DPYD: variants seen among roughly 807,000 people sequenced by gnomAD.
DPYD encodes the protein dihydropyrimidine dehydrogenase [NADP(+)].
Under a neutral mutation model 116.2 loss-of-function variants are expected in DPYD, and 109 were observed. The ratio of observed to expected loss-of-function variants is 0.94; its 90% CI spans 0.80 to 1.10. The LOEUF is 1.10. DPYD is among the 50% of genes least tolerant of loss of function. DPYD has a pLI of 0.00. For synonymous variants in DPYD, 440 were observed against 432.0 expected (o/e 1.02, Z -0.23); for missense variants, 1,302 against 1,254.5 (o/e 1.04, Z -0.57).
intron 16 of DPYD, among the ~76,000 whole-genome samples, chr1:97,364,005 T>C (rs1670893581): frequency 6.6e-6 from 1 of 152,212 alleles, no homozygotes; most frequent in Admixed American, 6.5e-5. Flanking sequence ...AAAGACATTA[T>C]TTCATTCTTT....
At chr1:97,144,365 A>G (rs919107437) in intron 20 of DPYD, among the ~76,000 whole-genome samples, 1 of 152,224 alleles carries the variant, frequency 6.6e-6, no homozygotes, top group African/African-American at 2.4e-5. Context: ...AGGTAAAATT[A>G]CAGTCCCCAA....
chr1:97,720,968 C>T, intron 5 of DPYD: 1 of 1,596,476 alleles, frequency 6.3e-7, no homozygotes, highest in Non-Finnish European at 8.5e-7. Context: ...ATTTTATTTC[C>T]TTATACATTT....
At chr1:97,815,213 T>C (rs748382913) in intron 3 of DPYD, among the ~76,000 whole-genome samples, 49 of 152,146 alleles carry the variant, frequency 3.2e-4, no homozygotes, top group Non-Finnish European at 4.9e-4. Context: ...AAGTGTCTCA[T>C]TGAAGTGTAA....
At chr1:97,137,076 A>G (rs139289309) in intron 20 of DPYD, among the ~76,000 whole-genome samples, 40 of 152,338 alleles carry the variant, frequency 2.6e-4, no homozygotes, top group African/African-American at 8.4e-4. Flanking sequence ...TAAATAGTTC[A>G]ATCTGAACCA....
intron 14 of DPYD, among the ~76,000 whole-genome samples, chr1:97,417,565 A>G (rs917431565): frequency 6.6e-6 from 1 of 152,224 alleles, no homozygotes; most frequent in Admixed American, 6.5e-5. Context: ...TTTCTTTTCA[A>G]CAAAGCTACA....
intron 14 of DPYD, among the ~76,000 whole-genome samples, chr1:97,425,970 T>C (rs560866439): frequency 2.0e-5 from 3 of 152,048 alleles, no homozygotes; most frequent in African/African-American, 7.2e-5. Context: ...AAAACAACAT[T>C]TGTCAGTTCT....
intron 20 of DPYD, among the ~76,000 whole-genome samples, chr1:97,172,182 G>A (rs1306563871): frequency 6.6e-6 from 1 of 152,116 alleles, no homozygotes. Context: ...TTTCTTCGTA[G>A]GCTCTCTGGT....
rs568340210 is a variant in DPYD, at chr1:97,690,096, T to C, written c.762+1621A>G. On this transcript the variant is annotated intron_variant, in intron 7 of 22. Coordinates refer to ENST00000370192, the MANE Select transcript of DPYD (RefSeq NM_000110.4). ...GGCAATCTGTTCTATCAGATTCTTA[T>C]ATCTTTCTGAGATATTCTTTGCATA... Among the ~76,000 whole-genome samples the C allele has an allele frequency of 1.4e-4, 22 of 152,216 alleles. No homozygotes were observed. The South Asian group carries it at 4.6e-3, about 32-fold the overall frequency.
At chr1:97,700,493 C>A (rs1661536893) in intron 5 of DPYD, among the ~76,000 whole-genome samples, 1 of 151,936 alleles carries the variant, frequency 6.6e-6, no homozygotes, top group African/African-American at 2.4e-5. Flanking sequence ...ACAAGTAGGG[C>A]AAATGAGGGG....
chr1:97,548,067 T>C (rs976753346), intron 12 of DPYD, among the ~76,000 whole-genome samples: 5 of 151,960 alleles, frequency 3.3e-5, no homozygotes, highest in Admixed American at 3.3e-4. Context: ...AAAGGAAGCA[T>C]TAAAGATAAA....
At chr1:97,796,354 C>G (rs1170136149) in intron 3 of DPYD, among the ~76,000 whole-genome samples, 1 of 152,028 alleles carries the variant, frequency 6.6e-6, no homozygotes, top group Non-Finnish European at 1.5e-5. Context: ...ACTGATCCTT[C>G]TATTCAACAC....
intron 14 of DPYD, among the ~76,000 whole-genome samples, chr1:97,402,001 A>G (rs2101638539): frequency 6.6e-6 from 1 of 152,236 alleles, no homozygotes; most frequent in Non-Finnish European, 1.5e-5. Context: ...TCTTTAACCA[A>G]TATTACACTG....
At chr1:97,482,954 T>C (rs1024520657) in intron 13 of DPYD, among the ~76,000 whole-genome samples, 2 of 152,214 alleles carry the variant, frequency 1.3e-5, no homozygotes, top group Non-Finnish European at 2.9e-5. Flanking sequence ...CAGAACCAAA[T>C]AGCAGTCTGT....
At chr1:97,520,922 G>A (rs1352728038) in intron 12 of DPYD, among the ~76,000 whole-genome samples, 1 of 151,224 alleles carries the variant, frequency 6.6e-6, no homozygotes, top group Non-Finnish European at 1.5e-5. Flanking sequence ...TGTGAATAGT[G>A]CTTCAATAAA....
chr1:97,695,851 C>T (rs969924151), intron 6 of DPYD, among the ~76,000 whole-genome samples: 1 of 151,918 alleles, frequency 6.6e-6, no homozygotes, highest in South Asian at 2.1e-4. Flanking sequence ...GAGAGGTGGC[C>T]GGGCGCAGTG....
chr1:97,122,902 G>C (rs959725713), intron 20 of DPYD, among the ~76,000 whole-genome samples: 1 of 151,974 alleles, frequency 6.6e-6, no homozygotes, highest in Non-Finnish European at 1.5e-5. Context: ...ATCATTTCTT[G>C]ACTCTTTTAT....
intron 1 of DPYD, 143 bp from the exon 2 acceptor site, chr1:97,883,517 G>C: frequency 3.0e-6 from 2 of 671,896 alleles, no homozygotes; most frequent in South Asian, 3.7e-5. Context: ...TACAATCTCA[G>C]TTCACTGCAA....
intron 16 of DPYD, among the ~76,000 whole-genome samples, chr1:97,346,774 G>A (rs1669869861): frequency 6.6e-6 from 1 of 151,772 alleles, no homozygotes; most frequent in African/African-American, 2.4e-5. Flanking sequence ...GTATCTTTAC[G>A]AGTTCTGTGT....
chr1:97,665,567 G>T (rs1659511147), intron 8 of DPYD, among the ~76,000 whole-genome samples: 1 of 152,026 alleles, frequency 6.6e-6, no homozygotes, highest in Admixed American at 6.6e-5. Context: ...AACATGTTTT[G>T]ATCCACCACA....
Sources: gnomAD v4.1 joint callset for allele counts (sites outside exome capture counted in the v4.1 genomes callset) on GRCh38, gnomAD v4.1.1 for gene constraint, MANE v1.5 for transcripts, NCBI Gene and HGNC (gene_info 2026-07-23, HGNC 2026-07-21) for gene names.